Variants in FARSB observed in about 807,000 individuals in gnomAD.
FARSB encodes the protein phenylalanyl-tRNA synthetase subunit beta, also known as phenylalanine--tRNA ligase beta subunit.
A neutral mutation model predicts 69.6 loss-of-function variants in FARSB; 40 were observed. That is an observed-to-expected ratio of 0.57 (90% CI 0.45 to 0.75). The LOEUF (loss-of-function observed/expected upper bound fraction) is 0.75, where lower values mean the gene tolerates loss of function less well. FARSB is among the 30% of genes least tolerant of loss of function. The pLI is 0.00. For missense variants in FARSB, 632 were observed against 722.9 expected, an observed-to-expected ratio of 0.87 and a Z score of 1.44; for synonymous variants, 235 against 247.2, an observed-to-expected ratio of 0.95 and a Z score of 0.46.
intron 5 of FARSB, among the ~76,000 whole-genome samples, chr2:222,635,319 GTTC>G (rs1237367331): frequency 2.6e-5 from 4 of 152,146 alleles, no homozygotes; most frequent in African/African-American, 9.7e-5. Flanking sequence ...CAAAATTTGT[GTTC>G]TTAACATTCT....
intron 16 of FARSB, among the ~76,000 whole-genome samples, chr2:222,594,392 T>A (rs1690358676): frequency 6.6e-6 from 1 of 152,162 alleles, no homozygotes; most frequent in African/African-American, 2.4e-5. Context: ...ACATTAAGAG[T>A]TACCCAGCAG....
At chr2:222,612,209 A>C (rs1303030613) in intron 15 of FARSB, among the ~76,000 whole-genome samples, 4 of 152,168 alleles carry the variant, frequency 2.6e-5, no homozygotes, top group Non-Finnish European at 5.9e-5. Flanking sequence ...ATGTTTTCTG[A>C]TTTCTATTAT....
chr2:222,630,212 A>G, intron 8 of FARSB, 38 bp from the exon 9 acceptor site: 1 of 1,024,510 alleles, frequency 9.8e-7, no homozygotes, highest in Non-Finnish European at 1.5e-6. Context: ...TAATCTATAA[A>G]TATATTCTCT....
intron 15 of FARSB, among the ~76,000 whole-genome samples, chr2:222,603,469 G>A (rs967522880): frequency 5.9e-5 from 9 of 151,654 alleles, no homozygotes; most frequent in Admixed American, 2.0e-4. Context: ...CTGTGGTATC[G>A]ATTATCTGGC....
chr2:222,630,077 C>T (rs748258257), intron 9 of FARSB, 36 bp downstream of exon 9: 2 of 1,292,116 alleles, frequency 1.5e-6, no homozygotes, highest in Non-Finnish European at 1.1e-6. Context: ...GCCTTCAGAA[C>T]AATGGGCCAT....
In FARSB at chr2:222,628,859, T is replaced by C; in HGVS notation, c.878A>G (p.Asn293Ser). The change falls in exon 10 of 17, where the codon AAT (asparagine) becomes AGT (serine). Residue 293 changes from asparagine to serine, a missense_variant. By Grantham distance (46) the Asn-to-Ser change is conservative. Coordinates refer to ENST00000281828, the MANE Select transcript of FARSB (RefSeq NM_005687.5). ...TVEAAEVVFP[N>S]GKSHTFPELA... ...TACTGGAAAGGTATGTGATTTTCCA[T>C]TAGGAAAAACCACTTCAGCAGCTTC... is the stretch of plus-strand genomic sequence containing the variant. 6.2e-7 allele frequency: 1 copy of C among 1,609,080 alleles called. No individual in the cohort carries two copies. Among genetic ancestry groups the C allele is most frequent in the Non-Finnish European group, 8.5e-7 (1 of 1,176,748 alleles).
intron 14 of FARSB, among the ~76,000 whole-genome samples, chr2:222,614,792 T>C (rs1224721088): frequency 1.3e-5 from 2 of 152,106 alleles, no homozygotes; most frequent in Non-Finnish European, 2.9e-5. Context: ...TAAGCTATAA[T>C]CATACCACTG....
chr2:222,600,143 T>G, intron 15 of FARSB, 60 bp from the exon 16 acceptor site: 1 of 1,352,314 alleles, frequency 7.4e-7, no homozygotes, highest in Admixed American at 2.7e-5. Context: ...GAAACTGATT[T>G]ACCCCAGTAC....
At chr2:222,595,023 AT>A (rs1431896982) in intron 16 of FARSB, among the ~76,000 whole-genome samples, 1 of 152,246 alleles carries the variant, frequency 6.6e-6, no homozygotes, top group Non-Finnish European at 1.5e-5. Flanking sequence ...GCTAAGAAAA[AT>A]GATAGTATTT....
rs1378436869 is a variant in FARSB at position 222,590,358 on chromosome 2, CCT to C, written c.1618+9568_1618+9569del. On this transcript the variant is annotated intron_variant, in intron 16 of 16. Coordinates refer to ENST00000281828, the MANE Select transcript of FARSB (RefSeq NM_005687.5). The stretch of plus-strand genomic sequence containing the variant: ...GGAAGTGGAACATCACATACCGGGG[CCT>C]GTCATGGGGTGGGGGAAGGGGGAGG... Among the ~76,000 whole-genome samples, 5 of 151,958 alleles carry C rather than the reference CCT, an allele frequency of 3.3e-5. No individual in the cohort carries two copies. In the East Asian group the frequency reaches 9.7e-4, roughly 29 times the overall value.
At position 222,634,408 on chromosome 2, in the gene FARSB, G is replaced by C; in HGVS notation, c.589C>G (p.Leu197Val). 1 of 1,599,728 alleles carries C rather than the reference G, an allele frequency of 6.3e-7. No individual in the cohort carries two copies. Among genetic ancestry groups the C allele is most frequent in the South Asian group, 1.1e-5 (1 of 88,744 alleles). Residue 197 changes from leucine to valine, a missense_variant, in exon 6 of 17, where the codon CTG becomes GTG. Transcript: ENST00000281828. ...ATATTTACCTTGTATATGTTCATCA[G>C]TTCACAGGCTGTATACTCCTTGGTC... The part of the protein sequence containing the change: ...NKTKEYTACE[L>V]MNIYKTDNHL...
At chr2:222,653,319 A>G (rs1033628744) in intron 1 of FARSB, among the ~76,000 whole-genome samples, 7 of 152,166 alleles carry the variant, frequency 4.6e-5, no homozygotes, top group African/African-American at 1.7e-4. Context: ...GGTAGAAACA[A>G]TGGAATTTCA....
chr2:222,603,325 A>G (rs1259239179), intron 15 of FARSB, among the ~76,000 whole-genome samples: 1 of 152,184 alleles, frequency 6.6e-6, no homozygotes, highest in Admixed American at 6.5e-5. Context: ...GTTGACATAA[A>G]ATACAGAATG....
chr2:222,640,751 G>A (rs1479256865), intron 4 of FARSB, 111 bp downstream of exon 4: 1 of 624,956 alleles, frequency 1.6e-6, no homozygotes, highest in African/African-American at 1.9e-5. Context: ...GCCAGACCCT[G>A]TCTCAAAACA....
intron 16 of FARSB, among the ~76,000 whole-genome samples, chr2:222,574,701 T>C (rs559882690): frequency 6.4e-4 from 98 of 152,360 alleles, no homozygotes; most frequent in Non-Finnish European, 1.2e-3. Context: ...CTGCACACTT[T>C]ATATCTGACC....
intron 16 of FARSB, among the ~76,000 whole-genome samples, chr2:222,585,254 C>CA (rs1437409910): frequency 6.6e-6 from 1 of 152,206 alleles, no homozygotes; most frequent in Admixed American, 6.5e-5. Context: ...CTCCAGCAAA[C>CA]TCCAACAGAC....
intron 15 of FARSB, among the ~76,000 whole-genome samples, chr2:222,611,404 A>C (rs1690845987): frequency 8.8e-6 from 1 of 113,064 alleles, no homozygotes; most frequent in African/African-American, 3.5e-5. Flanking sequence ...CACCTAAGTA[A>C]TTTGTTCTTT....
chr2:222,587,222 T>A, intron 16 of FARSB, among the ~76,000 whole-genome samples: 1 of 152,132 alleles, frequency 6.6e-6, no homozygotes. Flanking sequence ...ACCACACAAC[T>A]ACATGGAAAC....
intron 16 of FARSB, among the ~76,000 whole-genome samples, chr2:222,594,327 T>C (rs561849219): frequency 6.6e-6 from 1 of 152,230 alleles, no homozygotes; most frequent in South Asian, 2.1e-4. Flanking sequence ...TATGTATACA[T>C]TGCTGATTGG....
Sources: gnomAD v4.1 joint callset for allele counts (sites outside exome capture counted in the v4.1 genomes callset) on GRCh38, gnomAD v4.1.1 for gene constraint, MANE v1.5 for transcripts, NCBI Gene and HGNC (gene_info 2026-07-23, HGNC 2026-07-21) for gene names.